Variants in GABRR3 observed in about 807,000 individuals in gnomAD.
GABRR3 encodes gamma-aminobutyric acid receptor subunit rho-3.
GABRR3 carries 29 observed loss-of-function variants against 43.2 expected under a neutral mutation model. The observed-to-expected ratio is 0.67, with a 90% CI of 0.50 to 0.92. The LOEUF (loss-of-function observed/expected upper bound fraction) is 0.92. Ranked by LOEUF, GABRR3 falls within the 40% of genes least tolerant of loss-of-function variation. The pLI is 0.00. For missense variants in GABRR3, 576 were observed against 572.3 expected (o/e 1.01, Z -0.07); for synonymous variants, 206 against 195.9 (o/e 1.05, Z -0.43).
chr3:98,030,632 T>C (rs1262163411), intron 2 of GABRR3, among the ~76,000 whole-genome samples: 1 of 152,152 alleles, frequency 6.6e-6, no homozygotes, highest in Non-Finnish European at 1.5e-5. Flanking sequence ...CTAGAAAAAA[T>C]TGAACTTGCC....
intron 9 of GABRR3, among the ~76,000 whole-genome samples, 194 bp from the exon 10 acceptor site, chr3:97,987,176 A>G (rs1199515164): frequency 6.6e-6 from 1 of 152,148 alleles, no homozygotes; most frequent in African/African-American, 2.4e-5. Context: ...TTTTTGGTCC[A>G]AAACTAAAAC....
At chr3:98,028,162 CT>C (rs777071524) in intron 2 of GABRR3, among the ~76,000 whole-genome samples, 3 of 152,062 alleles carry the variant, frequency 2.0e-5, no homozygotes, top group Non-Finnish European at 4.4e-5. Flanking sequence ...TGATGATTCA[CT>C]TTCTCCAATT....
chr3:98,035,192 G>T, exon 1 of GABRR3: 3 of 554,896 alleles, frequency 5.4e-6, no homozygotes, highest in Non-Finnish European at 9.2e-6. Context: ...ATATCTACCT[G>T]GATCTTCAGC....
intron 4 of GABRR3, 172 bp downstream of exon 4, chr3:98,017,483 T>A (rs1706885699): frequency 6.4e-6 from 1 of 156,006 alleles, no homozygotes. Context: ...CTAATCAAGG[T>A]TAGAATGAAG....
chr3:97,986,839 G>A, exon 10 of GABRR3: 3 of 1,612,718 alleles, frequency 1.9e-6, no homozygotes, highest in Non-Finnish European at 2.5e-6. Flanking sequence ...ATGAATCGGT[G>A]CTGGGGCTGC....
At chr3:97,992,817 C>A (rs754311473) in intron 9 of GABRR3, 35 bp downstream of exon 9, 1 of 1,552,476 alleles carries the variant, frequency 6.4e-7, no homozygotes, top group South Asian at 1.3e-5. Flanking sequence ...TTTCCACATT[C>A]CCCAAGGGAT....
At chr3:97,985,447 G>A (rs1706371726), downstream of GABRR3, among the ~76,000 whole-genome samples, 1 of 152,170 alleles carries the variant, frequency 6.6e-6, no homozygotes, top group African/African-American at 2.4e-5. Context: ...ACATCCCTTT[G>A]GAGATGTTCT....
chr3:98,021,614 G>A (rs780662287), intron 3 of GABRR3, among the ~76,000 whole-genome samples: 3 of 152,124 alleles, frequency 2.0e-5, no homozygotes, highest in Non-Finnish European at 4.4e-5. Context: ...AGTAATAAAT[G>A]TAACAGTGTA....
At chr3:98,022,394 A>G (rs1706959184) in intron 3 of GABRR3, among the ~76,000 whole-genome samples, 1 of 152,262 alleles carries the variant, frequency 6.6e-6, no homozygotes, top group African/African-American at 2.4e-5. Flanking sequence ...GTTAAAGCTA[A>G]TTAGGAAGAC....
rs764077413 is a variant in GABRR3 at position 98,001,782 on chromosome 3, C to T, written c.755-15G>A. 1 of 1,612,348 alleles carries T rather than the reference C, an allele frequency of 6.2e-7. No homozygotes were observed. The highest frequency in any genetic ancestry group is 1.7e-5 in the Admixed American group (1 of 59,792). On this transcript the variant is annotated splice_polypyrimidine_tract_variant and intron_variant, in intron 7 of 9. Coordinates refer to ENST00000621172, the Ensembl canonical transcript of GABRR3. ...ATTGTACCAACCTGTGGAAAAAAGC[C>T]AAAGTTTTCATTAGAGCAAGCTTCC...
At chr3:97,995,727 A>T (rs9833569) in intron 8 of GABRR3, among the ~76,000 whole-genome samples, 1 of 151,938 alleles carries the variant, frequency 6.6e-6, no homozygotes, top group Non-Finnish European at 1.5e-5. Flanking sequence ...TTATAGTTAC[A>T]TTAAATACAC....
intron 2 of GABRR3, among the ~76,000 whole-genome samples, chr3:98,029,391 A>G (rs1417344546): frequency 6.6e-6 from 1 of 152,178 alleles, no homozygotes; most frequent in African/African-American, 2.4e-5. Flanking sequence ...GAAAGGCTTG[A>G]TTCTGAGTGG....
chr3:98,013,093 G>A (rs1196037883), intron 4 of GABRR3, among the ~76,000 whole-genome samples: 2 of 152,196 alleles, frequency 1.3e-5, no homozygotes, highest in Non-Finnish European at 2.9e-5. Flanking sequence ...GTTGTCAGAA[G>A]TCCTGGGACA....
At chr3:97,987,913 G>T (rs1008743756) in intron 9 of GABRR3, among the ~76,000 whole-genome samples, 1 of 151,890 alleles carries the variant, frequency 6.6e-6, no homozygotes, top group African/African-American at 2.4e-5. Flanking sequence ...GAGTAGCTGG[G>T]ACTATAGACA....
exon 10 of GABRR3, chr3:97,986,687 A>G: frequency 3.3e-6 from 5 of 1,520,652 alleles, no homozygotes; most frequent in South Asian, 1.2e-5. Context: ...TCCCCTTCAT[A>G]CATATACACC....
intron 7 of GABRR3, among the ~76,000 whole-genome samples, chr3:98,005,864 A>G (rs1706718532): frequency 6.6e-6 from 1 of 152,176 alleles, no homozygotes; most frequent in Non-Finnish European, 1.5e-5. Flanking sequence ...TGCTTCATAT[A>G]TATTACATTA....
At chr3:98,032,818 A>T (rs1180705702) in intron 2 of GABRR3, among the ~76,000 whole-genome samples, 1 of 152,176 alleles carries the variant, frequency 6.6e-6, no homozygotes, top group Non-Finnish European at 1.5e-5. Context: ...TTCAAAGATC[A>T]TGTCTTCCTT....
downstream of GABRR3, among the ~76,000 whole-genome samples, chr3:97,986,256 T>A (rs368442411): frequency 1.1e-4 from 16 of 152,252 alleles, no homozygotes; most frequent in Non-Finnish European, 2.1e-4. Flanking sequence ...GTGTGGATGA[T>A]ACCACCTCTA....
At chr3:98,012,371 G>C (rs1291403077) in exon 5 of GABRR3, 2 of 1,613,768 alleles carry the variant, frequency 1.2e-6, no homozygotes, top group Non-Finnish European at 1.7e-6. Flanking sequence ...GTTTCCATCA[G>C]GGTGTACGCG....
Sources: gnomAD v4.1 joint callset for allele counts (sites outside exome capture counted in the v4.1 genomes callset) on GRCh38, gnomAD v4.1.1 for gene constraint, MANE v1.5 for transcripts, NCBI Gene and HGNC (gene_info 2026-07-23, HGNC 2026-07-21) for gene names.